Variants in HLA-B observed in about 807,000 individuals in gnomAD.
HLA-B encodes major histocompatibility complex, class I, B.
HLA-B carries 31 observed loss-of-function variants against 41.5 expected under a neutral mutation model. The ratio of observed to expected loss-of-function variants is 0.75; its 90% CI spans 0.56 to 1.01. The LOEUF (loss-of-function observed/expected upper bound fraction) is 1.01, where lower values mean the gene tolerates loss of function less well. HLA-B is among the 50% of genes least tolerant of loss of function. HLA-B has a pLI of 0.00. For missense variants in HLA-B, 369 were observed against 457.2 expected, an observed-to-expected ratio of 0.81 and a Z score of 1.76; for synonymous variants, 138 against 189.0, an observed-to-expected ratio of 0.73 and a Z score of 2.21.
At chr6:31,356,507 G>T (rs1031549839) in intron 2 of HLA-B, 65 bp from the exon 3 acceptor site, 10 of 938,944 alleles carry the variant, frequency 1.1e-5, no homozygotes, top group Admixed American at 3.6e-5. Context: ...AACCCGCGGG[G>T]ATTTTGGCCT....
Position 31,354,245 on chromosome 6 carries a change from G to T in HLA-B, c.*56C>A. 4.8e-6 allele frequency: 3 copies of T among 618,582 alleles called. No individual in the cohort carries two copies. The highest frequency in any genetic ancestry group is 2.1e-5 in the Admixed American group (1 of 46,866). The allele number at this position is 618,582 out of a possible 1,614,324, so 38.3% of individuals were successfully genotyped here. A position where few individuals can be genotyped will look rare whatever the true frequency, so the allele number is the denominator to read the frequency against. On this transcript the variant is annotated 3_prime_UTR_variant, in exon 8 of 8. Transcript: ENST00000412585. The stretch of plus-strand genomic sequence containing the variant: ...CAGAGGCTCTTGAAGTCACAAAGGG[G>T]AGGCGTGAAGAAATCCTGCATCTCA...
chr6:31,357,076 C>CG lies in HLA-B; in HGVS notation c.73+9_73+10insC. On this transcript the variant is annotated intron_variant, in intron 1 of 7. Coordinates refer to ENST00000412585, the MANE Select transcript of HLA-B (RefSeq NM_005514.8). The stretch of plus-strand genomic sequence containing the variant: ...CGGCAGAGGCCATTTCCCTCCCGAC[C>CG]CGCACTCACCGGCCCAGGTCTCGGT... 1 of 911,832 alleles carries CG rather than the reference C, an allele frequency of 1.1e-6. No homozygotes were observed. The highest frequency in any genetic ancestry group is 1.4e-6 in the Non-Finnish European group (1 of 700,266). The allele number at this position is 911,832 out of a possible 1,614,324, so 56.5% of individuals were successfully genotyped here.
At chr6:31,354,439 GAC>G (rs9279151) in intron 7 of HLA-B, 38 bp downstream of exon 7, 1 of 196,860 alleles carries the variant, frequency 5.1e-6, no homozygotes, top group Non-Finnish European at 8.8e-6. Flanking sequence ...CCCACCCCCA[GAC>G]CCGCCACCCC....
At chr6:31,355,020 TA>T in intron 5 of HLA-B, 86 bp downstream of exon 5, 1 of 430,334 alleles carries the variant, frequency 2.3e-6, no homozygotes, top group Non-Finnish European at 3.7e-6. Context: ...TGCTTCCCAG[TA>T]ATGAGGCAGG....
chr6:31,354,517 C>T lies in HLA-B; in HGVS notation c.1055G>A (p.Ser352Asn). The change falls in exon 7 of 8, where the codon AGT becomes AAT. Residue 352 changes from serine (S) to asparagine (N), a missense_variant. This residue lies in a region of HLA-B where 115 missense variants were observed against 78.7 expected (regional missense o/e 1.46). Transcript: ENST00000412585. ...GSYSQAACSD[S>N]AQGSDVSLTA is the part of the protein sequence containing the mutation. ...GAGAGACACATCAGAGCCCTGGGCA[C>T]TGTCGCTGCCTGGAGTAGAACAAAA... is the stretch of plus-strand genomic sequence containing the variant. 2 of 1,334,854 alleles carry T rather than the reference C, an allele frequency of 1.5e-6. No individual in the cohort carries two copies. Among genetic ancestry groups the T allele is most frequent in the Non-Finnish European group, 2.0e-6 (2 of 1,017,704 alleles). 82.7% of individuals were successfully genotyped at this position (1,334,854 alleles called of 1,614,324 possible).
chr6:31,356,127 C>A, intron 3 of HLA-B, 40 bp downstream of exon 3: 1 of 1,035,438 alleles, frequency 9.7e-7, no homozygotes. Context: ...TCCCCGGCGA[C>A]CTATAGGAGA....
rs757165948 is a variant in HLA-B, at chr6:31,354,582, A to AGGAATTATG, written c.1045+42_1045+50dup. 4.1e-6 allele frequency: 6 copies of AGGAATTATG among 1,479,646 alleles called. No homozygotes were observed. The East Asian group carries it at 1.8e-4, about 44-fold the overall frequency. 91.7% of individuals were successfully genotyped at this position (1,479,646 alleles called of 1,614,324 possible). The stretch of plus-strand genomic sequence containing the variant: ...GAGCCCGCAGGAGACGTGGGACAGG[A>AGGAATTATG]GGAATTATGGGGTGGGTGAGCTCCT... On this transcript the variant is annotated intron_variant, in intron 6 of 7. Coordinates refer to ENST00000412585, the MANE Select transcript of HLA-B (RefSeq NM_005514.8).
chr6:31,355,622 C>CT (rs1425363711), intron 3 of HLA-B, 30 bp from the exon 4 acceptor site: 1 of 1,278,730 alleles, frequency 7.8e-7, no homozygotes, highest in South Asian at 1.3e-5. Context: ...AATTCAGGCG[C>CT]TTTGCATCTT....
intron 5 of HLA-B, 132 bp from the exon 6 acceptor site, chr6:31,354,797 A>T (rs879642289): frequency 1.7e-5 from 8 of 470,578 alleles, no homozygotes; most frequent in Non-Finnish European, 2.8e-5. Flanking sequence ...GGATCAGGAA[A>T]CACGAGGAAA....
chr6:31,356,585 C>G, intron 2 of HLA-B, 103 bp downstream of exon 2: 1 of 1,121,772 alleles, frequency 8.9e-7, no homozygotes, highest in Non-Finnish European at 1.2e-6. Context: ...GCGGGTCCCG[C>G]GGCCTCAGGG....
Position 31,355,589 on chromosome 6 carries a change from G to C in HLA-B, c.623C>G (p.Pro208Arg). 1 of 1,368,806 alleles carries C rather than the reference G, an allele frequency of 7.3e-7. No homozygotes were observed. The highest frequency in any genetic ancestry group is 1.2e-5 in the South Asian group (1 of 83,502). The allele number at this position is 1,368,806 out of a possible 1,614,324, so 84.8% of individuals were successfully genotyped here. ...NGKDKLERAD[P>R]PKTHVTHHPI... ...GTGGTGGGTCACGTGTGTCTTTGGGGGGTCTGATGGGAAGAGTCAGAAAAT... is the reference window on the plus strand; with the variant it reads ...GTGGTGGGTCACGTGTGTCTTTGGGCGGTCTGATGGGAAGAGTCAGAAAAT... Residue 208 changes from proline to arginine, a missense_variant, in exon 4 of 8, where the codon CCC becomes CGC. Physicochemically the swap from Pro to Arg is moderately radical, Grantham distance 103. This residue lies in a region of HLA-B where 12 missense variants were observed against 85.1 expected (regional missense o/e 0.14). Transcript: ENST00000412585.
rs1388294571 is a variant in HLA-B, at chr6:31,354,549, C to T, written c.1046-23G>A. On this transcript the variant is annotated intron_variant, in intron 6 of 7. Transcript: ENST00000412585. The stretch of plus-strand genomic sequence containing the variant: ...TGCCTGGAGTAGAACAAAAACAGGA[C>T]CTGGTCAGAGCCCGCAGGAGACGTG... 19 of 1,411,166 alleles carry T rather than the reference C, an allele frequency of 1.3e-5. 1 individual carries two copies. The highest frequency in any genetic ancestry group is 1.7e-5 in the Non-Finnish European group (18 of 1,062,910). 87.4% of individuals were successfully genotyped at this position (1,411,166 alleles called of 1,614,324 possible). A position where few individuals can be genotyped will look rare whatever the true frequency, so the allele number is the denominator to read the frequency against.
At chr6:31,354,453 C>T (rs752455113) in intron 7 of HLA-B, 26 bp downstream of exon 7, 1 of 787,994 alleles carries the variant, frequency 1.3e-6, no homozygotes, top group Non-Finnish European at 1.8e-6. Flanking sequence ...CGCCACCCCA[C>T]CCACTCTAGA....
chr6:31,356,959 TG>T lies in HLA-B; in HGVS notation c.74-3del, dbSNP rs371250843. The T allele has an allele frequency of 1.2e-5, 11 of 955,802 alleles. No homozygotes were observed. The highest frequency in any genetic ancestry group is 1.4e-5 in the Non-Finnish European group (10 of 724,376). 59.2% of individuals were successfully genotyped at this position (955,802 alleles called of 1,614,324 possible). A position where few individuals can be genotyped will look rare whatever the true frequency, so the allele number is the denominator to read the frequency against. On this transcript the variant is annotated splice_region_variant and splice_polypyrimidine_tract_variant and intron_variant, in intron 1 of 7. Coordinates refer to ENST00000412585, the MANE Select transcript of HLA-B (RefSeq NM_005514.8). ...AGAAATACCTCATGGAGTGGGAGCC[TG>T]GGGGTGAGGAGGGGCTGAGACCCGC... is the stretch of plus-strand genomic sequence containing the variant.
chr6:31,354,422 T>TTCCCCCCCCCCC, intron 7 of HLA-B, 57 bp downstream of exon 7: 1 of 326,704 alleles, frequency 3.1e-6, no homozygotes, highest in Non-Finnish European at 5.5e-6. Flanking sequence ...CTTTCCCCTC[T>TTCCCCCCCCCCC]GCCCCACCCA....
chr6:31,356,899 G>A lies in HLA-B; in HGVS notation c.132C>T (p.Pro44=), dbSNP rs151341104. The change falls in exon 2 of 8, where the codon CCC becomes CCT. Residue 44 remains proline, a synonymous_variant. Coordinates refer to ENST00000412585, the MANE Select transcript of HLA-B (RefSeq NM_005514.8). Reference sequence around the variant, plus strand: ...CCACGTAGCCCACTGAGATGAAGCGGGGCTCCCCGCGGCCGGGCCGGGACA... The same window carrying A: ...CCACGTAGCCCACTGAGATGAAGCGAGGCTCCCCGCGGCCGGGCCGGGACA... The part of the protein sequence containing the change: ...TSVSRPGRGE[P]RFISVGYVDD... The A allele has an allele frequency of 9.0e-7, 1 of 1,111,836 alleles. No homozygotes were observed. The highest frequency in any genetic ancestry group is 1.2e-6 in the Non-Finnish European group (1 of 833,682). 68.9% of individuals were successfully genotyped at this position (1,111,836 alleles called of 1,614,324 possible).
chr6:31,354,428 A>ACCCCCCCCCCCCCC, intron 7 of HLA-B, 51 bp downstream of exon 7: 2 of 153,852 alleles, frequency 1.3e-5, no homozygotes, highest in South Asian at 5.1e-5. Context: ...CCTCTGCCCC[A>ACCCCCCCCCCCCCC]CCCACCCCCA....
chr6:31,355,597 T>A lies in HLA-B; in HGVS notation c.620-5A>T. 7.4e-7 allele frequency: 1 copy of A among 1,358,560 alleles called. No individual in the cohort carries two copies. The highest frequency in any genetic ancestry group is 2.2e-5 in the Admixed American group (1 of 46,498). The allele number at this position is 1,358,560 out of a possible 1,614,324, so 84.2% of individuals were successfully genotyped here. ...TCACGTGTGTCTTTGGGGGGTCTGA[T>A]GGGAAGAGTCAGAAAATTCAGGCGC... On this transcript the variant is annotated splice_polypyrimidine_tract_variant and splice_region_variant and intron_variant, in intron 3 of 7. Coordinates refer to ENST00000412585, the MANE Select transcript of HLA-B (RefSeq NM_005514.8).
rs1767196003 is a variant in HLA-B, at chr6:31,357,158, T to TC, written c.-1dup. 1 of 874,116 alleles carries TC rather than the reference T, an allele frequency of 1.1e-6. No homozygotes were observed. Among genetic ancestry groups the TC allele is most frequent in the South Asian group, 3.2e-5 (1 of 31,728 alleles). 54.1% of individuals were successfully genotyped at this position (874,116 alleles called of 1,614,324 possible). ...ACGGTTCGGGGCGCCATGACCAGCA[T>TC]CTCGGCGTCTGAGGAGACTCTGAGT... On this transcript the variant is annotated 5_prime_UTR_variant, in exon 1 of 8. Transcript: ENST00000412585.
Sources: allele counts gnomAD v4.1 joint callset, GRCh38; gene constraint gnomAD v4.1.1; regional missense constraint gnomAD v4.1.1; transcripts MANE v1.5; gene names NCBI Gene and HGNC (gene_info 2026-07-23, HGNC 2026-07-21).